Variants in ARHGEF10 observed in about 807,000 individuals in gnomAD.
ARHGEF10 encodes Rho guanine nucleotide exchange factor (GEF) 10.
Under a neutral mutation model 147.4 loss-of-function variants are expected in ARHGEF10, and 140 were observed. The observed-to-expected ratio is 0.95, with a 90% CI of 0.83 to 1.09. ARHGEF10 has a LOEUF of 1.09. Ranked by LOEUF, ARHGEF10 falls within the 50% of genes least tolerant of loss-of-function variation. The pLI, the probability that ARHGEF10 is intolerant of heterozygous loss-of-function variation, is 0.00. For missense variants in ARHGEF10, 2,222 were observed against 1,752.7 expected, an observed-to-expected ratio of 1.27 and a Z score of -4.78; for synonymous variants, 902 against 695.8, an observed-to-expected ratio of 1.30 and a Z score of -4.67.
chr8:1,888,228 GACA>G, intron 11 of ARHGEF10, among the ~76,000 whole-genome samples: 1 of 74,144 alleles, frequency 1.3e-5, no homozygotes, highest in African/African-American at 6.2e-5. Context: ...GTTGCGAGGA[GACA>G]GTGAGTGTGG....
At chr8:1,949,706 C>T (rs564591050) in intron 27 of ARHGEF10, among the ~76,000 whole-genome samples, 2 of 151,946 alleles carry the variant, frequency 1.3e-5, no homozygotes, top group East Asian at 1.9e-4. Context: ...TTTCTGAAGA[C>T]CATGGACTAC....
At chr8:1,944,477 G>A (rs573505628) in intron 26 of ARHGEF10, among the ~76,000 whole-genome samples, 12 of 152,354 alleles carry the variant, frequency 7.9e-5, no homozygotes, top group African/African-American at 2.2e-4. Flanking sequence ...GGCTCTGGGC[G>A]CGGCGTAGTG....
At chr8:1,823,453 G>C (rs920364949), upstream of ARHGEF10, among the ~76,000 whole-genome samples, 1 of 73,164 alleles carries the variant, frequency 1.4e-5, no homozygotes, top group African/African-American at 5.5e-5. Flanking sequence ...ATGTTCTGGG[G>C]GGGGGAGCGT....
At chr8:1,886,166 C>G (rs533020753) in intron 11 of ARHGEF10, among the ~76,000 whole-genome samples, 1 of 152,252 alleles carries the variant, frequency 6.6e-6, no homozygotes, top group South Asian at 2.1e-4. Flanking sequence ...ATCTGATACT[C>G]AGTAGCAGAA....
chr8:1,843,551 G>A (rs940592271), intron 2 of ARHGEF10, 115 bp downstream of exon 2: 4 of 814,894 alleles, frequency 4.9e-6, no homozygotes, highest in African/African-American at 1.7e-5. Flanking sequence ...GGTGGAGTGA[G>A]AGCTTCTTGG....
chr8:1,946,758 C>T (rs1015879246), intron 27 of ARHGEF10, among the ~76,000 whole-genome samples: 52 of 152,162 alleles, frequency 3.4e-4, no homozygotes, highest in African/African-American at 1.2e-3. Context: ...GGTTCTAGAA[C>T]GGGTGTGAGG....
intron 9 of ARHGEF10, among the ~76,000 whole-genome samples, chr8:1,881,035 G>T (rs904548521): frequency 6.6e-6 from 1 of 152,206 alleles, no homozygotes; most frequent in Non-Finnish European, 1.5e-5. Context: ...TTTCTGAGGA[G>T]TGGAGGGCGC....
intron 4 of ARHGEF10, among the ~76,000 whole-genome samples, chr8:1,861,578 T>G (rs547787818): frequency 1.3e-5 from 2 of 152,358 alleles, no homozygotes; most frequent in African/African-American, 4.8e-5. Context: ...ATGATTCTTA[T>G]TCCTGTAAAG....
rs780641217 is a variant in ARHGEF10 at position 1,928,624 on chromosome 8, G to A, written c.2895G>A (p.Thr965=). 5.0e-6 allele frequency: 8 copies of A among 1,614,034 alleles called. No homozygotes were observed. In the East Asian group the frequency reaches 6.7e-5, roughly 13 times the overall value. The stretch of plus-strand genomic sequence containing the variant: ...CCGTGAGAGCTTCTGATGTCCCCAC[G>A]ATCTGTGTAGGGACGGAGGAGGGAA... ...TPAVRASDVP[T]ICVGTEEGSI... Residue 965 remains threonine, a synonymous_variant, in exon 24 of 29, where the codon ACG becomes ACA. Transcript: ENST00000349830.
chr8:1,883,675 G>A (rs1192838418), intron 10 of ARHGEF10, among the ~76,000 whole-genome samples: 4 of 152,156 alleles, frequency 2.6e-5, no homozygotes, highest in Admixed American at 2.6e-4. Context: ...TGATGGAGAC[G>A]GGCAGGTGCA....
chr8:1,940,782 T>C (rs1585622684), intron 26 of ARHGEF10, among the ~76,000 whole-genome samples: 1 of 151,858 alleles, frequency 6.6e-6, no homozygotes, highest in Non-Finnish European at 1.5e-5. Flanking sequence ...CCTGGAAAAA[T>C]GAGATGGATT....
intron 1 of ARHGEF10, among the ~76,000 whole-genome samples, chr8:1,839,203 T>C (rs1024468461): frequency 7.4e-6 from 1 of 135,938 alleles, no homozygotes; most frequent in Non-Finnish European, 1.5e-5. Context: ...GTGGGGACTG[T>C]TTTGTGTGGG....
chr8:1,930,105 C>T (rs1216999220), intron 25 of ARHGEF10, among the ~76,000 whole-genome samples: 3 of 152,010 alleles, frequency 2.0e-5, no homozygotes, highest in Non-Finnish European at 4.4e-5. Context: ...TTCCTTGGTG[C>T]TGGCTGAGGC....
chr8:1,943,021 C>T (rs982754854), intron 26 of ARHGEF10, among the ~76,000 whole-genome samples: 2 of 152,154 alleles, frequency 1.3e-5, no homozygotes, highest in East Asian at 1.9e-4. Flanking sequence ...CACAGAATTG[C>T]GCCCTATAGA....
At chr8:1,854,358 A>G (rs918818308) in intron 2 of ARHGEF10, among the ~76,000 whole-genome samples, 2 of 152,252 alleles carry the variant, frequency 1.3e-5, no homozygotes, top group African/African-American at 4.8e-5. Context: ...GTGGGCACCC[A>G]TGCAGGCAGG....
intron 10 of ARHGEF10, 32 bp from the exon 11 acceptor site, chr8:1,885,568 GT>G (rs779968083): frequency 7.0e-7 from 1 of 1,427,200 alleles, no homozygotes; most frequent in Admixed American, 1.7e-5. Context: ...TTATTTGAAT[GT>G]AAAATTCATG....
chr8:1,942,246 A>G (rs145882597), intron 26 of ARHGEF10, among the ~76,000 whole-genome samples: 26 of 149,378 alleles, frequency 1.7e-4, no homozygotes, highest in African/African-American at 6.2e-4. Flanking sequence ...AGAGCATCTA[A>G]CTCACTCTTA....
At chr8:1,867,729 G>A (rs1806745587) in intron 6 of ARHGEF10, among the ~76,000 whole-genome samples, 1 of 152,148 alleles carries the variant, frequency 6.6e-6, no homozygotes, top group African/African-American at 2.4e-5. Flanking sequence ...GGAAAAGCAA[G>A]ATTACTTTCC....
chr8:1,874,662 G>GGC (rs1807496848), intron 7 of ARHGEF10, among the ~76,000 whole-genome samples: 1 of 151,772 alleles, frequency 6.6e-6, no homozygotes, highest in African/African-American at 2.4e-5. Context: ...ACACACCAGG[G>GGC]TGTGTAGGGG....
Sources: gnomAD v4.1 joint callset for allele counts (sites outside exome capture counted in the v4.1 genomes callset) on GRCh38, gnomAD v4.1.1 for gene constraint, MANE v1.5 for transcripts, NCBI Gene and HGNC (gene_info 2026-07-23, HGNC 2026-07-21) for gene names.